Variants in LINGO2 observed in about 807,000 individuals in gnomAD.
LINGO2 encodes the protein leucine-rich repeat and immunoglobulin-like domain-containing nogo receptor-interacting protein 2.
LINGO2 carries 14 observed loss-of-function variants against 30.6 expected under a neutral mutation model. The observed-to-expected ratio is 0.46, with a 90% CI of 0.30 to 0.72. The LOEUF is 0.72. Ranked by LOEUF, LINGO2 falls within the 30% of genes least tolerant of loss-of-function variation. The pLI, the probability that LINGO2 is intolerant of heterozygous loss-of-function variation, is 0.07. For synonymous variants in LINGO2, 317 were observed against 288.5 expected, an observed-to-expected ratio of 1.10 and a Z score of -1.00; for missense variants, 729 against 751.7, an observed-to-expected ratio of 0.97 and a Z score of 0.35.
At chr9:28,473,608 T>C (rs989287020) in intron 2 of LINGO2, among the ~76,000 whole-genome samples, 1 of 152,100 alleles carries the variant, frequency 6.6e-6, no homozygotes, top group African/African-American at 2.4e-5. Context: ...ACTTTTTCTG[T>C]AGATGTAGAG....
At chr9:28,016,574 A>G (rs1346883996) in intron 4 of LINGO2, among the ~76,000 whole-genome samples, 1 of 152,044 alleles carries the variant, frequency 6.6e-6, no homozygotes, top group Non-Finnish European at 1.5e-5. Flanking sequence ...CACAAGCTAG[A>G]AAATCTAGAA....
At chr9:29,120,531 C>A in the LINGO2 span, among the ~76,000 whole-genome samples, 1 of 152,144 alleles carries the variant, frequency 6.6e-6, no homozygotes, top group Non-Finnish European at 1.5e-5. Context: ...ATACTACTAA[C>A]TGTGGTCCAA....
the LINGO2 span, among the ~76,000 whole-genome samples, chr9:28,848,193 CATATATAGTATATATAT>C: frequency 3.2e-5 from 3 of 92,868 alleles, no homozygotes; most frequent in Non-Finnish European, 5.9e-5. Context: ...TATATATACA[CATATATAGTATATATAT>C]ACTATATATA....
chr9:29,062,339 T>C, the LINGO2 span, among the ~76,000 whole-genome samples: 2 of 152,236 alleles, frequency 1.3e-5, no homozygotes, highest in African/African-American at 4.8e-5. Context: ...ATTCTGGGTA[T>C]ATACCTGAAA....
the LINGO2 span, among the ~76,000 whole-genome samples, chr9:29,080,634 G>T: frequency 6.6e-6 from 1 of 152,018 alleles, no homozygotes; most frequent in Non-Finnish European, 1.5e-5. Context: ...AGAGATTCTG[G>T]TATGTTGTGT....
At chr9:29,005,673 T>A in the LINGO2 span, among the ~76,000 whole-genome samples, 1 of 151,986 alleles carries the variant, frequency 6.6e-6, no homozygotes. Context: ...CATACTCAAA[T>A]CTTGCAGTGG....
chr9:28,250,200 G>A (rs1822147431), intron 4 of LINGO2, among the ~76,000 whole-genome samples: 1 of 152,180 alleles, frequency 6.6e-6, no homozygotes, highest in Admixed American at 6.5e-5. Flanking sequence ...TGCAACATAA[G>A]TGACTTATGC....
the LINGO2 span, chr9:27,937,795 C>G: frequency 6.6e-6 from 1 of 151,944 alleles, no homozygotes; most frequent in Non-Finnish European, 1.5e-5. Flanking sequence ...TAGGGCTTAG[C>G]TAAACAATAC....
chr9:28,106,088 G>C (rs1442644896), intron 4 of LINGO2, among the ~76,000 whole-genome samples: 1 of 152,044 alleles, frequency 6.6e-6, no homozygotes, highest in Non-Finnish European at 1.5e-5. Flanking sequence ...AGGGATATAG[G>C]TTACATGCTC....
At chr9:28,241,844 G>A (rs1821812414) in intron 4 of LINGO2, among the ~76,000 whole-genome samples, 1 of 152,086 alleles carries the variant, frequency 6.6e-6, no homozygotes, top group African/African-American at 2.4e-5. Context: ...AGGGCATGAG[G>A]TAAACCCCCA....
Position 28,632,879 on chromosome 9 carries a change from TGTAGAGAG to T in LINGO2, c.-365+37313_-365+37320del, listed in dbSNP as rs1382738380. Among the ~76,000 whole-genome samples the T allele has an allele frequency of 2.2e-3, 180 of 80,828 alleles. 2 individuals are homozygous for T. Among genetic ancestry groups the T allele is most frequent in the Middle Eastern group, 0.01 (2 of 196 alleles). The allele number at this position is 80,828 out of a possible 152,430, so 53.0% of individuals were successfully genotyped here. A position where few individuals can be genotyped will look rare whatever the true frequency, so the allele number is the denominator to read the frequency against. The stretch of plus-strand genomic sequence containing the variant: ...TTTTATATATATATATATATATATA[TGTAGAGAG>T]AGAGAGAGAGAGAGAGAGAGAGAGA... On this transcript the variant is annotated intron_variant, in intron 1 of 5. Transcript: ENST00000379992.
intron 5 of LINGO2, among the ~76,000 whole-genome samples, chr9:27,961,196 A>G (rs976102826): frequency 1.3e-5 from 2 of 152,202 alleles, no homozygotes; most frequent in Non-Finnish European, 2.9e-5. Context: ...GAGCACATAT[A>G]AGTTAGGCTA....
the LINGO2 span, among the ~76,000 whole-genome samples, chr9:28,797,351 T>C: frequency 1.6e-5 from 1 of 62,506 alleles, no homozygotes; most frequent in Admixed American, 1.9e-4. Flanking sequence ...TATATATATA[T>C]ATATATATAG....
At chr9:28,085,649 T>A (rs1451999659) in intron 4 of LINGO2, among the ~76,000 whole-genome samples, 1 of 152,012 alleles carries the variant, frequency 6.6e-6, no homozygotes. Flanking sequence ...ATCCCTATAA[T>A]ATAGAAATAT....
chr9:28,820,047 T>C, the LINGO2 span, among the ~76,000 whole-genome samples: 1 of 152,308 alleles, frequency 6.6e-6, no homozygotes, highest in South Asian at 2.1e-4. Context: ...TACAGGGATA[T>C]GTACAGGGAC....
chr9:28,877,289 C>G, the LINGO2 span, among the ~76,000 whole-genome samples: 5 of 151,900 alleles, frequency 3.3e-5, no homozygotes, highest in African/African-American at 1.2e-4. Context: ...GCTTTCGTTG[C>G]CATTGCTTTT....
intron 4 of LINGO2, among the ~76,000 whole-genome samples, chr9:28,162,513 T>C (rs1828314919): frequency 2.6e-5 from 4 of 152,120 alleles, no homozygotes; most frequent in Admixed American, 2.6e-4. Flanking sequence ...AATCATATGG[T>C]GTCAAGAGGA....
At chr9:28,525,415 T>C (rs12000123) in intron 1 of LINGO2, among the ~76,000 whole-genome samples, 12 of 152,254 alleles carry the variant, frequency 7.9e-5, no homozygotes, top group Admixed American at 2.6e-4. Context: ...ACCCAAATTC[T>C]CATCAATTGT....
At chr9:28,848,378 TGTGTGTGTGTGTG>T in the LINGO2 span, among the ~76,000 whole-genome samples, 1 of 45,888 alleles carries the variant, frequency 2.2e-5, no homozygotes, top group African/African-American at 8.6e-5. Flanking sequence ...TGTGTGTGTG[TGTGTGTGTGTGTG>T]TGTGTGTATA....
Sources: allele counts gnomAD v4.1 joint callset (sites outside exome capture counted in the v4.1 genomes callset), GRCh38; gene constraint gnomAD v4.1.1; transcripts MANE v1.5; gene names NCBI Gene and HGNC (gene_info 2026-07-23, HGNC 2026-07-21).